Variants in ARMC8 observed in about 807,000 individuals in gnomAD.
The protein encoded by ARMC8 is armadillo repeat containing 8, also known as armadillo repeat-containing protein 8.
In ARMC8, 20 loss-of-function variants were observed where a neutral mutation model predicts 99.3. The observed-to-expected ratio is 0.20, with a 90% CI of 0.14 to 0.29. ARMC8 has a LOEUF of 0.29. Ranked by LOEUF, ARMC8 falls within the 10% of genes least tolerant of loss-of-function variation. The pLI, the probability that ARMC8 is intolerant of heterozygous loss-of-function variation, is 1.00. For synonymous variants in ARMC8, 263 were observed against 278.3 expected, an observed-to-expected ratio of 0.95 and a Z score of 0.55; for missense variants, 569 against 809.5, an observed-to-expected ratio of 0.70 and a Z score of 3.60.
At chr3:138,211,590 T>G (rs1052357391) in intron 2 of ARMC8, among the ~76,000 whole-genome samples, 2 of 152,246 alleles carry the variant, frequency 1.3e-5, no homozygotes, top group Non-Finnish European at 2.9e-5. Flanking sequence ...GAGACCTAAT[T>G]AGCTGTCAGC....
intron 14 of ARMC8, among the ~76,000 whole-genome samples, chr3:138,266,700 C>T (rs1312646927): frequency 6.6e-6 from 1 of 152,176 alleles, no homozygotes; most frequent in Non-Finnish European, 1.5e-5. Flanking sequence ...ACTGTCCTGC[C>T]TATGCAGTAG....
chr3:138,237,988 G>C (rs2046414906), intron 9 of ARMC8: 1 of 153,690 alleles, frequency 6.5e-6, no homozygotes, highest in East Asian at 1.9e-4. Context: ...AGAGAACGTG[G>C]CTTCCTCATC....
Position 138,223,471 on chromosome 3 carries a change from G to C in ARMC8, c.277G>C (p.Gly93Arg). ...CAVVLGSLAM[G>R]TENNVKSLLD... Reference sequence around the variant, plus strand: ...AGTGGTGTTGGGAAGTCTTGCTATGGGTACTGAAAACAATGTCAAGTCTCT... The same window carrying C: ...AGTGGTGTTGGGAAGTCTTGCTATGCGTACTGAAAACAATGTCAAGTCTCT... The change falls in exon 4 of 22, where the codon GGT (glycine) becomes CGT (arginine). Residue 93 changes from glycine to arginine, a missense_variant. Around this residue, in one of 2 missense-constraint regions of ARMC8, gnomAD observed 342 missense variants for 391.6 expected, o/e 0.87. Coordinates refer to ENST00000469044, the MANE Select transcript of ARMC8 (RefSeq NM_001363941.2). The C allele has an allele frequency of 6.2e-7, 1 of 1,614,084 alleles. No homozygotes were observed. The highest frequency in any genetic ancestry group is 8.5e-7 in the Non-Finnish European group (1 of 1,180,010).
chr3:138,296,395 T>C lies in ARMC8; in HGVS notation c.*503T>C, dbSNP rs1427178298. On this transcript the variant is annotated 3_prime_UTR_variant, in exon 22 of 22. Transcript: ENST00000469044. The stretch of plus-strand genomic sequence containing the variant: ...CTGTATAAAAAACTTTACTGAATTA[T>C]ATACAGTTTGAATGAAATGTTATTT... The C allele has an allele frequency of 6.6e-6, 1 of 152,318 alleles. No individual in the cohort carries two copies. The highest frequency in any genetic ancestry group is 2.4e-5 in the African/African-American group (1 of 41,474). The allele number at this position is 152,318 out of a possible 1,614,324, so 9.4% of individuals were successfully genotyped here.
intron 12 of ARMC8, chr3:138,246,222 T>A: frequency 1.0e-6 from 1 of 985,298 alleles, no homozygotes; most frequent in South Asian, 4.7e-5. Flanking sequence ...TGTGAGTAGC[T>A]TTGATTTAAA....
intron 5 of ARMC8, among the ~76,000 whole-genome samples, chr3:138,226,758 C>T (rs1371463994): frequency 6.6e-6 from 1 of 152,192 alleles, no homozygotes; most frequent in African/African-American, 2.4e-5. Context: ...CCACCTCACT[C>T]TCTAAACTGA....
At chr3:138,275,477 T>C (rs142709978) in intron 18 of ARMC8, among the ~76,000 whole-genome samples, 2,383 of 152,118 alleles carry the variant, frequency 0.016, 27 homozygotes, top group Non-Finnish European at 0.025. Flanking sequence ...GAGAATGGCG[T>C]GAACCTGGGA....
chr3:138,255,587 G>A (rs1353423076), intron 12 of ARMC8, among the ~76,000 whole-genome samples: 1 of 152,092 alleles, frequency 6.6e-6, no homozygotes, highest in African/African-American at 2.4e-5. Flanking sequence ...AGTGAGAGGA[G>A]GGAAGAAATA....
chr3:138,264,281 C>G (rs2048036431), intron 14 of ARMC8, 69 bp downstream of exon 14: 2 of 1,225,790 alleles, frequency 1.6e-6, no homozygotes, highest in South Asian at 2.5e-5. Context: ...CTAGCTAACA[C>G]TACTCCCTGG....
intron 5 of ARMC8, among the ~76,000 whole-genome samples, chr3:138,226,152 C>T (rs1036100479): frequency 1.3e-5 from 2 of 152,116 alleles, no homozygotes; most frequent in Non-Finnish European, 2.9e-5. Context: ...ACCACCATGA[C>T]CGGCTAATTT....
chr3:138,283,061 G>GAATA (rs1233444115), intron 18 of ARMC8, among the ~76,000 whole-genome samples: 1 of 152,138 alleles, frequency 6.6e-6, no homozygotes, highest in Non-Finnish European at 1.5e-5. Context: ...AACTGCCCTG[G>GAATA]AATAAATAGT....
intron 2 of ARMC8, among the ~76,000 whole-genome samples, chr3:138,211,481 A>G (rs777367480): frequency 5.3e-5 from 8 of 152,250 alleles, no homozygotes; most frequent in Admixed American, 2.0e-4. Flanking sequence ...TCAAAAATTG[A>G]TAAAATACCA....
At chr3:138,203,332 C>T (rs1384306747) in intron 1 of ARMC8, among the ~76,000 whole-genome samples, 5 of 152,186 alleles carry the variant, frequency 3.3e-5, no homozygotes, top group Non-Finnish European at 7.3e-5. Context: ...TTTATTATCT[C>T]AGTTTCTGTA....
At chr3:138,273,182 C>T in intron 17 of ARMC8, 66 bp downstream of exon 17, 1 of 1,438,392 alleles carries the variant, frequency 7.0e-7, no homozygotes, top group Non-Finnish European at 9.4e-7. Flanking sequence ...ACATTGCTCT[C>T]TCTCTGTGCT....
At chr3:138,227,469 A>C (rs2045754240) in intron 5 of ARMC8, among the ~76,000 whole-genome samples, 1 of 152,128 alleles carries the variant, frequency 6.6e-6, no homozygotes. Context: ...CTGTACACTT[A>C]GTATCTGACT....
At chr3:138,271,209 C>G (rs1188047514) in intron 16 of ARMC8, among the ~76,000 whole-genome samples, 1 of 152,210 alleles carries the variant, frequency 6.6e-6, no homozygotes, top group Non-Finnish European at 1.5e-5. Context: ...GAACTTTGCA[C>G]AGCTTTTAGC....
intron 1 of ARMC8, 103 bp downstream of exon 1, chr3:138,187,702 G>T (rs2043141336): frequency 1.6e-6 from 2 of 1,274,900 alleles, no homozygotes; most frequent in Non-Finnish European, 2.2e-6. Context: ...CACCCCCTGG[G>T]GTGGACCCCG....
chr3:138,267,002 G>T (rs1355141676), intron 14 of ARMC8, among the ~76,000 whole-genome samples, 153 bp from the exon 15 acceptor site: 1 of 152,204 alleles, frequency 6.6e-6, no homozygotes, highest in African/African-American at 2.4e-5. Flanking sequence ...GGAAAAGTTT[G>T]ACACAGTATC....
chr3:138,223,847 G>T, intron 5 of ARMC8, 114 bp downstream of exon 5: 1 of 889,040 alleles, frequency 1.1e-6, no homozygotes, highest in East Asian at 2.6e-5. Flanking sequence ...GTCTCAGTTG[G>T]TCATGGTGGC....
Sources: gnomAD v4.1 joint callset for allele counts (sites outside exome capture counted in the v4.1 genomes callset) on GRCh38, gnomAD v4.1.1 for gene constraint, gnomAD v4.1.1 regional missense constraint, MANE v1.5 for transcripts, NCBI Gene and HGNC (gene_info 2026-07-23, HGNC 2026-07-21) for gene names.